Variants in NAT10 observed in about 807,000 individuals in gnomAD.
NAT10 encodes RNA cytidine acetyltransferase.
Under a neutral mutation model 132.2 loss-of-function variants are expected in NAT10, and 109 were observed. The ratio of observed to expected loss-of-function variants is 0.82; its 90% confidence interval spans 0.71 to 0.97. NAT10 has a LOEUF of 0.97. Among genes scored for constraint, NAT10 ranks in the 50% least tolerant of loss-of-function variants. The probability of loss-of-function intolerance (pLI) is 0.00; values close to 1 mark genes in which losing one functional copy is unlikely to be tolerated. For missense variants in NAT10, 1,184 were observed against 1,263.4 expected (o/e 0.94, Z 0.95); for synonymous variants, 479 against 478.0 (o/e 1.00, Z -0.03).
intron 13 of NAT10, 75 bp downstream of exon 13, chr11:34,131,012 T>G: frequency 6.4e-7 from 1 of 1,570,068 alleles, no homozygotes; most frequent in Non-Finnish European, 8.7e-7. Context: ...GCTTCCCCTG[T>G]GACATCATGG....
chr11:34,115,201 G>A (rs537930118), intron 5 of NAT10, among the ~76,000 whole-genome samples: 1 of 152,282 alleles, frequency 6.6e-6, no homozygotes, highest in Non-Finnish European at 1.5e-5. Flanking sequence ...CAGAGAGTTA[G>A]TTTTCTTTGC....
chr11:34,142,901 TGGTGGCTGCTGGGTATGTGA>T (rs1193512920), intron 27 of NAT10, among the ~76,000 whole-genome samples: 1 of 152,252 alleles, frequency 6.6e-6, no homozygotes, highest in African/African-American at 2.4e-5. Context: ...TCATTAGTGA[TGGTGGCTGCTGGGTATGTGA>T]GGTGGAGGTG....
chr11:34,133,002 C>A, intron 15 of NAT10, 24 bp from the exon 16 acceptor site: 1 of 1,584,446 alleles, frequency 6.3e-7, no homozygotes, highest in Non-Finnish European at 8.7e-7. Context: ...GTGCTTCTCA[C>A]TGACCCGTGT....
Position 34,135,250 on chromosome 11 carries a change from G to T in NAT10, c.1987G>T (p.Val663Phe). The change falls in exon 19 of 29, where the codon GTC becomes TTC. Residue 663 changes from valine (V) to phenylalanine (F), a missense_variant. Physicochemically the swap from Val to Phe is conservative, Grantham distance 50. Transcript: ENST00000257829. ...EGRFPCLEEK[V>F]LETPQEIHTV... The stretch of plus-strand genomic sequence containing the variant: ...CAGGTTTCCTTGTCTGGAGGAAAAG[G>T]TCCTTGAGACACCACAGGAAATTCA... 1.2e-6 allele frequency: 2 copies of T among 1,614,184 alleles called. No homozygotes were observed. The highest frequency in any genetic ancestry group is 1.7e-6 in the Non-Finnish European group (2 of 1,180,034).
intron 8 of NAT10, 135 bp downstream of exon 8, chr11:34,118,638 G>A (rs1259925407): frequency 6.2e-6 from 4 of 640,248 alleles, no homozygotes; most frequent in Non-Finnish European, 1.1e-5. Context: ...GCTCATACTC[G>A]TGTGTGCTCA....
chr11:34,134,659 A>T, intron 18 of NAT10, 73 bp downstream of exon 18: 1 of 1,472,598 alleles, frequency 6.8e-7, no homozygotes, highest in Non-Finnish European at 9.5e-7. Flanking sequence ...TGGTGGCTGG[A>T]ATAAGAAGCT....
intron 8 of NAT10, among the ~76,000 whole-genome samples, chr11:34,121,967 G>A (rs1422199800): frequency 1.3e-5 from 2 of 149,332 alleles, no homozygotes; most frequent in Non-Finnish European, 3.0e-5. Context: ...CCTGAGGTTA[G>A]GAGTTCGAGA....
chr11:34,144,512 T>C (rs1260666203), intron 28 of NAT10, among the ~76,000 whole-genome samples: 2 of 152,226 alleles, frequency 1.3e-5, no homozygotes. Context: ...TCATATCTTA[T>C]ACTCTCTGGA....
chr11:34,129,599 CTTTTTTTTTTT>C lies in NAT10; in HGVS notation c.1245-1198_1245-1188del, dbSNP rs71037399. On this transcript the variant is annotated intron_variant, in intron 12 of 28. Transcript: ENST00000257829. Reference sequence around the variant, plus strand: ...GTTTTTTCACTTTCTTCTTCTTCTTCTTTTTTTTTTTTTTTTTTTTTTTTTTGAGACAGACT... The same window carrying C: ...GTTTTTTCACTTTCTTCTTCTTCTTCTTTTTTTTTTTTTTTGAGACAGACT... Among the ~76,000 whole-genome samples the C allele has an allele frequency of 7.1e-5, 4 of 56,694 alleles. No individual in the cohort carries two copies. The Admixed American group carries it at 8.7e-4, about 12-fold the overall frequency. The allele number at this position is 56,694 out of a possible 152,430, so 37.2% of individuals were successfully genotyped here. A position where few individuals can be genotyped will look rare whatever the true frequency, so the allele number is the denominator to read the frequency against.
At chr11:34,114,760 G>A (rs117309058) in intron 5 of NAT10, among the ~76,000 whole-genome samples, 7,262 of 152,154 alleles carry the variant, frequency 0.048, 268 homozygotes, top group Non-Finnish European at 0.075. Context: ...AGGCAGCTCC[G>A]CCTGTCACTC....
intron 23 of NAT10, 74 bp from the exon 24 acceptor site, chr11:34,140,326 C>T (rs1169386164): frequency 7.0e-6 from 10 of 1,423,450 alleles, no homozygotes; most frequent in Non-Finnish European, 9.7e-6. Context: ...GTTAGGGTGC[C>T]GCCTGGGGGC....
chr11:34,142,716 A>G (rs1039750296), intron 27 of NAT10, among the ~76,000 whole-genome samples: 3 of 152,194 alleles, frequency 2.0e-5, no homozygotes, highest in Non-Finnish European at 4.4e-5. Context: ...TCTACTGCTA[A>G]AACCAACCAA....
chr11:34,134,110 G>A (rs923168925), intron 16 of NAT10, among the ~76,000 whole-genome samples: 3 of 152,154 alleles, frequency 2.0e-5, no homozygotes, highest in African/African-American at 7.2e-5. Context: ...CTTGCAGTGA[G>A]CCGAGATAGC....
chr11:34,146,189 A>C lies in NAT10; in HGVS notation c.3075A>C (p.Lys1025Asn). ...NKKDMKLKRKK is the reference protein window; with the variant it reads ...NKKDMKLKRKN ...AAGATATGAAACTGAAGCGGAAGAA[A>C]TAGTGAAGAGAAACTCGGGCATCTG... Residue 1025 changes from lysine (K) to asparagine (N), a missense_variant, in exon 29 of 29, where the codon AAA (lysine) becomes AAC (asparagine). Lys to Asn is a moderately conservative substitution (Grantham distance 94). Coordinates refer to ENST00000257829, the MANE Select transcript of NAT10 (RefSeq NM_024662.3). 4 of 1,593,572 alleles carry C rather than the reference A, an allele frequency of 2.5e-6. No individual in the cohort carries two copies. Among genetic ancestry groups the C allele is most frequent in the Non-Finnish European group, 3.4e-6 (4 of 1,167,944 alleles).
chr11:34,114,600 C>T (rs766809341), intron 5 of NAT10, among the ~76,000 whole-genome samples: 4 of 152,192 alleles, frequency 2.6e-5, no homozygotes, highest in Non-Finnish European at 5.9e-5. Flanking sequence ...ACATGCCCAG[C>T]ACACACTCCT....
In NAT10 at chr11:34,146,046, T is replaced by C. The variant is rs372495442; in HGVS notation, c.2970-38T>C. ...AAGCAGTCTCAGATGTTCAGATCTG[T>C]ACATATTTCATTCTTTCTATTTTTG... is the stretch of plus-strand genomic sequence containing the variant. On this transcript the variant is annotated intron_variant, in intron 28 of 28. Coordinates refer to ENST00000257829, the MANE Select transcript of NAT10 (RefSeq NM_024662.3). The C allele has an allele frequency of 7.9e-6, 11 of 1,387,816 alleles. No individual in the cohort carries two copies. In the African/African-American group the frequency reaches 1.3e-4, roughly 16 times the overall value. The allele number at this position is 1,387,816 out of a possible 1,614,324, so 86.0% of individuals were successfully genotyped here.
chr11:34,111,601 C>T (rs960544725), intron 3 of NAT10, among the ~76,000 whole-genome samples: 34 of 152,108 alleles, frequency 2.2e-4, no homozygotes, highest in African/African-American at 7.2e-4. Flanking sequence ...CCCACATTCT[C>T]GGGGAGGAAG....
chr11:34,114,506 C>T (rs767915625), intron 5 of NAT10, among the ~76,000 whole-genome samples: 9 of 152,148 alleles, frequency 5.9e-5, no homozygotes, highest in Non-Finnish European at 1.2e-4. Flanking sequence ...GGACTTTCCT[C>T]AAATCTTAGG....
chr11:34,119,840 C>T (rs1362829832), intron 8 of NAT10, among the ~76,000 whole-genome samples: 3 of 152,142 alleles, frequency 2.0e-5, no homozygotes, highest in African/African-American at 7.2e-5. Context: ...GGGATTCTTA[C>T]AGATAAGTCT....
Sources: gnomAD v4.1 joint callset for allele counts (sites outside exome capture counted in the v4.1 genomes callset) on GRCh38, gnomAD v4.1.1 for gene constraint, MANE v1.5 for transcripts, NCBI Gene and HGNC (gene_info 2026-07-23, HGNC 2026-07-21) for gene names.